MEMO1: variants seen among roughly 807,000 people sequenced by gnomAD.
MEMO1 encodes mediator of cell motility 1.
A neutral mutation model predicts 45.2 loss-of-function variants in MEMO1; 6 were observed. That is an observed-to-expected ratio of 0.13 (90% CI 0.07 to 0.26). MEMO1 has a LOEUF of 0.26. Ranked by LOEUF, MEMO1 falls within the 10% of genes least tolerant of loss-of-function variation. The probability of loss-of-function intolerance (pLI) is 1.00; values close to 1 mark genes in which losing one functional copy is unlikely to be tolerated. For missense variants in MEMO1, 184 were observed against 370.5 expected, an observed-to-expected ratio of 0.50 and a Z score of 4.13; for synonymous variants, 78 against 124.3, an observed-to-expected ratio of 0.63 and a Z score of 2.48.
rs1377078515 is a variant in MEMO1, at chr2:31,883,372, C to T, written c.657+14G>A. ...AGCCTTAGAGCATTAAAATCCCACACCTGAAAGACTTACCATTTTATCTAG... is the reference window on the plus strand; with the variant it reads ...AGCCTTAGAGCATTAAAATCCCACATCTGAAAGACTTACCATTTTATCTAG... On this transcript the variant is annotated intron_variant, in intron 8 of 9. Transcript: ENST00000404530. 2.6e-6 allele frequency: 4 copies of T among 1,548,828 alleles called. No homozygotes were observed. The highest frequency in any genetic ancestry group is 1.4e-5 in the African/African-American group (1 of 72,204).
intron 2 of MEMO1, among the ~76,000 whole-genome samples, chr2:31,975,216 T>C (rs1351701469): frequency 6.6e-6 from 1 of 152,112 alleles, no homozygotes; most frequent in African/African-American, 2.4e-5. Flanking sequence ...TCCTACTTAG[T>C]CTGCAAAAGG....
rs55682785 is a variant in MEMO1 at position 31,872,016 on chromosome 2, A to AACACACACACACACACACAC, written c.658-2084_658-2065dup. 6.8e-3 allele frequency among the ~76,000 whole-genome samples: 972 copies of AACACACACACACACACACAC among 143,280 alleles called. 22 individuals carry two copies. Among genetic ancestry groups the AACACACACACACACACACAC allele is most frequent in the African/African-American group, 0.024 (924 of 38,018 alleles). The allele number at this position is 143,280 out of a possible 152,430, so 94.0% of individuals were successfully genotyped here. ...GCGACAGAGCAAGACTCTGTCTCAA[A>AACACACACACACACACACAC]ACACACACACACACACACACACACA... On this transcript the variant is annotated intron_variant, in intron 8 of 9. Coordinates refer to ENST00000404530, the MANE Select transcript of MEMO1 (RefSeq NM_001301833.4).
At chr2:31,883,316 T>C in intron 8 of MEMO1, 70 bp downstream of exon 8, 2 of 1,045,700 alleles carry the variant, frequency 1.9e-6, no homozygotes, top group Non-Finnish European at 2.8e-6. Flanking sequence ...ACATGTTAAG[T>C]CTTGAATTAC....
At chr2:31,943,430 A>C in intron 2 of MEMO1, 47 bp from the exon 3 acceptor site, 1 of 1,347,598 alleles carries the variant, frequency 7.4e-7, no homozygotes, top group Non-Finnish European at 1.1e-6. Context: ...GCAATGTACT[A>C]CAGATAAACA....
rs957135949 is a variant in MEMO1 at position 31,868,012 on chromosome 2, G to A, written c.*349C>T. The A allele has an allele frequency of 4.4e-5, 7 of 157,900 alleles. No homozygotes were observed. Among genetic ancestry groups the A allele is most frequent in the Admixed American group, 1.9e-4 (3 of 15,406 alleles). 9.8% of individuals were successfully genotyped at this position (157,900 alleles called of 1,614,324 possible). A position where few individuals can be genotyped will look rare whatever the true frequency, so the allele number is the denominator to read the frequency against. ...CAATTTGCAAAACTATTCTGAAAGC[G>A]GAATATATGTGCACAAGTCTGCAAA... On this transcript the variant is annotated 3_prime_UTR_variant, in exon 10 of 10. Transcript: ENST00000404530.
chr2:31,973,530 T>C (rs1292764294), intron 2 of MEMO1, among the ~76,000 whole-genome samples: 1 of 152,028 alleles, frequency 6.6e-6, no homozygotes, highest in Non-Finnish European at 1.5e-5. Flanking sequence ...ATGGCAGCAC[T>C]ATTCACAAAA....
At chr2:31,948,009 T>C (rs1173644994) in intron 2 of MEMO1, among the ~76,000 whole-genome samples, 1 of 152,368 alleles carries the variant, frequency 6.6e-6, no homozygotes, top group Non-Finnish European at 1.5e-5. Flanking sequence ...CTGAGAATCT[T>C]GTTGAAATGC....
chr2:31,868,745 T>C (rs1298090274), intron 9 of MEMO1, among the ~76,000 whole-genome samples: 1 of 152,222 alleles, frequency 6.6e-6, no homozygotes, highest in Non-Finnish European at 1.5e-5. Context: ...CCTCTCCCTG[T>C]AATAAGGCCA....
intron 4 of MEMO1, chr2:31,923,713 C>T (rs1249587737): frequency 2.6e-6 from 4 of 1,546,108 alleles, no homozygotes; most frequent in Non-Finnish European, 3.5e-6. Flanking sequence ...GGATATTTAA[C>T]ATCAGAGCAC....
intron 2 of MEMO1, among the ~76,000 whole-genome samples, chr2:31,955,959 A>G (rs1212532608): frequency 6.6e-6 from 1 of 152,038 alleles, no homozygotes; most frequent in Non-Finnish European, 1.5e-5. Flanking sequence ...CCTATTTCCA[A>G]TTTAAATGAA....
intron 4 of MEMO1, among the ~76,000 whole-genome samples, chr2:31,929,625 T>A (rs1683647008): frequency 6.6e-6 from 1 of 152,244 alleles, no homozygotes; most frequent in Admixed American, 6.5e-5. Context: ...TTTTACCTGT[T>A]ATTTGTAATG....
chr2:31,903,838 A>C (rs988223858), intron 6 of MEMO1, among the ~76,000 whole-genome samples: 1 of 152,214 alleles, frequency 6.6e-6, no homozygotes, highest in Non-Finnish European at 1.5e-5. Flanking sequence ...GAAAAATGCC[A>C]CTGCTCTGTG....
At chr2:32,007,360 C>T (rs1674227622) in intron 2 of MEMO1, among the ~76,000 whole-genome samples, 2 of 152,196 alleles carry the variant, frequency 1.3e-5, no homozygotes, top group Non-Finnish European at 2.9e-5. Context: ...GTCCTAAAAG[C>T]ACATCTCAAC....
At chr2:31,984,127 G>A (rs1041305195) in intron 2 of MEMO1, among the ~76,000 whole-genome samples, 11 of 152,168 alleles carry the variant, frequency 7.2e-5, no homozygotes, top group South Asian at 2.1e-4. Flanking sequence ...GGACTTCAGC[G>A]ACTCACATCC....
chr2:31,906,515 G>A (rs1679767379), intron 6 of MEMO1, among the ~76,000 whole-genome samples: 1 of 151,594 alleles, frequency 6.6e-6, no homozygotes, highest in Admixed American at 6.6e-5. Context: ...AGTACAGATG[G>A]GGTTTCACCA....
intron 2 of MEMO1, among the ~76,000 whole-genome samples, chr2:31,991,136 CGT>C (rs1453198115): frequency 6.6e-6 from 1 of 152,064 alleles, no homozygotes; most frequent in Non-Finnish European, 1.5e-5. Flanking sequence ...CTTATAGTCA[CGT>C]GTGTTTATAT....
intron 8 of MEMO1, among the ~76,000 whole-genome samples, chr2:31,882,008 G>T (rs756222828): frequency 4.6e-5 from 7 of 152,140 alleles, no homozygotes; most frequent in Non-Finnish European, 8.8e-5. Context: ...AGATGGGCTT[G>T]GTGGTAGGCG....
chr2:31,942,045 C>T (rs939614921), intron 3 of MEMO1, among the ~76,000 whole-genome samples: 4 of 152,166 alleles, frequency 2.6e-5, no homozygotes, highest in South Asian at 2.1e-4. Context: ...TAAACCTTCA[C>T]TCTTCTCAGA....
chr2:31,998,737 T>C lies in MEMO1; in HGVS notation c.61+11450A>G, dbSNP rs141648017. On this transcript the variant is annotated intron_variant, in intron 2 of 9. Coordinates refer to ENST00000404530, the MANE Select transcript of MEMO1 (RefSeq NM_001301833.4). ...ATCACTTGAACCCAGGAGGCGGACA[T>C]TGCAGTGAGTAGAGATCATGCCATT... 2.5e-3 allele frequency among the ~76,000 whole-genome samples: 378 copies of C among 152,010 alleles called. 2 individuals are homozygous for C. The highest frequency in any genetic ancestry group is 7.4e-3 in the African/African-American group (308 of 41,438).
Sources: allele counts gnomAD v4.1 joint callset (sites outside exome capture counted in the v4.1 genomes callset), GRCh38; gene constraint gnomAD v4.1.1; transcripts MANE v1.5; gene names NCBI Gene and HGNC (gene_info 2026-07-23, HGNC 2026-07-21).